The following SETD5 variants were observed in gnomAD, a reference collection of about 807,000 sequenced individuals.
SETD5 encodes SET domain containing 5.
In SETD5, 44 loss-of-function variants were observed where a neutral mutation model predicts 153.3. The observed-to-expected ratio is 0.29, with a 90% confidence interval of 0.23 to 0.37. The LOEUF (loss-of-function observed/expected upper bound fraction) is 0.37. Among genes scored for constraint, SETD5 ranks in the 10% least tolerant of loss-of-function variants. The pLI is 1.00. For synonymous variants in SETD5, 716 were observed against 645.2 expected, an observed-to-expected ratio of 1.11 and a Z score of -1.66; for missense variants, 1,544 against 1,768.0, an observed-to-expected ratio of 0.87 and a Z score of 2.27.
At chr3:9,420,801 T>A (rs1229918016) in intron 1 of SETD5, among the ~76,000 whole-genome samples, 3 of 152,040 alleles carry the variant, frequency 2.0e-5, no homozygotes, top group African/African-American at 7.3e-5. Flanking sequence ...AACTCATATT[T>A]GTTTCTTCTT....
intron 16 of SETD5, among the ~76,000 whole-genome samples, chr3:9,450,273 T>G (rs1221948523): frequency 6.6e-6 from 1 of 152,216 alleles, no homozygotes; most frequent in Non-Finnish European, 1.5e-5. Flanking sequence ...ATTCTCCAAG[T>G]GTATCTGACT....
chr3:9,443,254 T>C, intron 10 of SETD5, 54 bp from the exon 11 acceptor site: 2 of 1,285,926 alleles, frequency 1.6e-6, no homozygotes, highest in Non-Finnish European at 2.2e-6. Context: ...TTTTCTCTCT[T>C]ACGGAAAGTT....
In SETD5 at chr3:9,447,040, C is replaced by G; in HGVS notation, c.1525-10C>G. On this transcript the variant is annotated splice_polypyrimidine_tract_variant and intron_variant, in intron 13 of 22. Coordinates refer to ENST00000402198, the MANE Select transcript of SETD5 (RefSeq NM_001080517.3). ...AAGCTTCCTTCTACACCAGTACTATCTCTTTCTAGACCAGGGAAGATAGAA... is the reference window on the plus strand; with the variant it reads ...AAGCTTCCTTCTACACCAGTACTATGTCTTTCTAGACCAGGGAAGATAGAA... The G allele has an allele frequency of 1.2e-6, 2 of 1,601,932 alleles. No homozygotes were observed. Among genetic ancestry groups the G allele is most frequent in the Non-Finnish European group, 1.7e-6 (2 of 1,174,092 alleles).
At chr3:9,467,445 C>T (rs1325493716) in intron 18 of SETD5, among the ~76,000 whole-genome samples, 1 of 151,896 alleles carries the variant, frequency 6.6e-6, no homozygotes, top group African/African-American at 2.4e-5. Context: ...ATAACCCTCC[C>T]CTCCTATTCT....
intron 17 of SETD5, among the ~76,000 whole-genome samples, chr3:9,455,416 A>G (rs560662722): frequency 6.6e-5 from 10 of 151,852 alleles, no homozygotes; most frequent in African/African-American, 2.2e-4. Flanking sequence ...GTGAATTGCC[A>G]TTTTTTAAAT....
rs969803136 is a variant in SETD5 at position 9,424,498 on chromosome 3, G to T, written c.-145G>T. Reference sequence around the variant, plus strand: ...AGAACTACTAGCAGATAATTTGGGGGGACTTCATATTCAGAAGTCTATATA... The same window carrying T: ...AGAACTACTAGCAGATAATTTGGGGTGACTTCATATTCAGAAGTCTATATA... On this transcript the variant is annotated 5_prime_UTR_variant, in exon 2 of 23. Coordinates refer to ENST00000402198, the MANE Select transcript of SETD5 (RefSeq NM_001080517.3). The T allele has an allele frequency of 3.9e-5, 6 of 152,006 alleles. No individual in the cohort carries two copies. Among genetic ancestry groups the T allele is most frequent in the African/African-American group, 1.5e-4 (6 of 41,360 alleles). The allele number at this position is 152,006 out of a possible 1,614,324, so 9.4% of individuals were successfully genotyped here.
chr3:9,471,012 T>C (rs993830375), intron 19 of SETD5, 83 bp downstream of exon 19: 1 of 699,652 alleles, frequency 1.4e-6, no homozygotes, highest in African/African-American at 1.8e-5. Context: ...TTCTGCTATG[T>C]GTTCCGCACT....
At chr3:9,441,799 G>A in intron 9 of SETD5, 58 bp downstream of exon 9, 1 of 1,604,392 alleles carries the variant, frequency 6.2e-7, no homozygotes, top group Non-Finnish European at 8.5e-7. Flanking sequence ...GACCAGTGTT[G>A]TTGTAAAAAT....
chr3:9,459,352 C>T (rs989094158), intron 17 of SETD5, among the ~76,000 whole-genome samples: 1 of 152,118 alleles, frequency 6.6e-6, no homozygotes, highest in Non-Finnish European at 1.5e-5. Flanking sequence ...GTATCATATA[C>T]TATTTATTGA....
intron 1 of SETD5, among the ~76,000 whole-genome samples, chr3:9,419,682 T>C (rs570674563): frequency 2.0e-5 from 3 of 152,252 alleles, no homozygotes; most frequent in Non-Finnish European, 2.9e-5. Context: ...ACTTTACTAC[T>C]GTAGGTGTGT....
intron 7 of SETD5, chr3:9,436,963 A>G: frequency 4.5e-6 from 6 of 1,333,122 alleles, no homozygotes; most frequent in Non-Finnish European, 6.3e-6. Context: ...CTTTCCTGAC[A>G]TTGATGGTCT....
At chr3:9,468,060 G>T (rs73026973) in intron 18 of SETD5, among the ~76,000 whole-genome samples, 2,292 of 150,970 alleles carry the variant, frequency 0.015, 31 homozygotes, top group Non-Finnish European at 0.018. Flanking sequence ...CACTGGGAGG[G>T]CCTGAGGCAT....
At chr3:9,474,801 T>C (rs1252693738) in intron 21 of SETD5, 1 of 647,932 alleles carries the variant, frequency 1.5e-6, no homozygotes, top group Admixed American at 3.1e-5. Context: ...AAGGAATACC[T>C]TTCTGTAACT....
At chr3:9,474,249 T>G (rs1400921593) in intron 20 of SETD5, among the ~76,000 whole-genome samples, 200 bp from the exon 21 acceptor site, 1 of 152,180 alleles carries the variant, frequency 6.6e-6, no homozygotes, top group Non-Finnish European at 1.5e-5. Flanking sequence ...GATTTCTTTT[T>G]CTTTAAAAGT....
At chr3:9,433,301 TG>T (rs1019600928) in intron 3 of SETD5, 27 of 1,080,228 alleles carry the variant, frequency 2.5e-5, no homozygotes, top group Middle Eastern at 4.7e-4. Context: ...TGAAAGGTGT[TG>T]GGGGTTCATC....
At chr3:9,426,257 A>G (rs2039226410) in intron 2 of SETD5, 1 of 44,820 alleles carries the variant, frequency 2.2e-5, no homozygotes, top group African/African-American at 6.9e-5. Context: ...TTTTTTGGCA[A>G]CAGGGACTCA....
intron 3 of SETD5, chr3:9,433,448 C>T: frequency 7.8e-7 from 1 of 1,289,936 alleles, no homozygotes; most frequent in Non-Finnish European, 1.0e-6. Flanking sequence ...ATCTCACTCA[C>T]TGCAAATGTC....
chr3:9,460,121 A>G (rs1162214137), intron 17 of SETD5, among the ~76,000 whole-genome samples: 6 of 152,264 alleles, frequency 3.9e-5, no homozygotes, highest in African/African-American at 1.4e-4. Flanking sequence ...TATCATGTAC[A>G]AATACTATTA....
chr3:9,448,053 T>G (rs142129724), intron 15 of SETD5, 47 bp downstream of exon 15: 2 of 1,552,442 alleles, frequency 1.3e-6, no homozygotes, highest in African/African-American at 2.7e-5. Context: ...GCAAGGGCTG[T>G]CTTAGTGAAA....
Sources: allele counts gnomAD v4.1 joint callset (sites outside exome capture counted in the v4.1 genomes callset), GRCh38; gene constraint gnomAD v4.1.1; transcripts MANE v1.5; gene names NCBI Gene and HGNC (gene_info 2026-07-23, HGNC 2026-07-21).